NRDC: variants seen among roughly 807,000 people sequenced by gnomAD.
The protein encoded by NRDC is nardilysin.
A neutral mutation model predicts 147.1 loss-of-function variants in NRDC; 54 were observed. The observed-to-expected ratio is 0.37, with a 90% CI of 0.29 to 0.46. The LOEUF (loss-of-function observed/expected upper bound fraction) is 0.46, where lower values mean the gene tolerates loss of function less well. Among genes scored for constraint, NRDC ranks in the 20% least tolerant of loss-of-function variants. The pLI is 1.00. For missense variants in NRDC, 1,082 were observed against 1,370.6 expected (o/e 0.79, Z 3.33); for synonymous variants, 440 against 482.1 (o/e 0.91, Z 1.14).
At chr1:51,840,937 T>A (rs1681239494) in intron 1 of NRDC, among the ~76,000 whole-genome samples, 1 of 152,244 alleles carries the variant, frequency 6.6e-6, no homozygotes, top group African/African-American at 2.4e-5. Flanking sequence ...AGAACAGTCA[T>A]GTCAGCTTAA....
chr1:51,827,504 C>T (rs966068729), intron 5 of NRDC, among the ~76,000 whole-genome samples: 2 of 152,200 alleles, frequency 1.3e-5, no homozygotes, highest in African/African-American at 4.8e-5. Flanking sequence ...TATATAAGCA[C>T]ATTCTTTTCC....
Position 51,858,584 on chromosome 1 carries a change from C to T in NRDC, c.342-18070G>A, listed in dbSNP as rs144992143. ...TATCCTGCCTCAAGAGTGAAAATAA[C>T]GATATCCTGGATAAAATGTTGATAA... On this transcript the variant is annotated intron_variant, in intron 1 of 30. Transcript: ENST00000352171. Among the ~76,000 whole-genome samples, 380 of 151,766 alleles carry T rather than the reference C, an allele frequency of 2.5e-3. 4 individuals are homozygous for T. Among genetic ancestry groups the T allele is most frequent in the African/African-American group, 8.8e-3 (363 of 41,354 alleles).
chr1:51,789,608 T>A lies in NRDC; in HGVS notation c.3218A>T (p.Lys1073Met). Residue 1073 changes from lysine (K) to methionine (M), a missense_variant, in exon 30 of 31, where the codon AAG (lysine) becomes ATG (methionine). Around this residue, in one of 3 missense-constraint regions of NRDC, gnomAD observed 187 missense variants for 193.6 expected, o/e 0.97. Transcript: ENST00000352171. ...TTTACTTCCTGGCCCTCTATGGGCC[T>A]TGAACCAGTTGACCAGGTCTGATTT... ...FSKSDLVNWF[K>M]AHRGPGSKML... 1 of 1,613,922 alleles carries A rather than the reference T, an allele frequency of 6.2e-7. No individual in the cohort carries two copies. Among genetic ancestry groups the A allele is most frequent in the Non-Finnish European group, 8.5e-7 (1 of 1,179,782 alleles).
At chr1:51,802,624 A>C (rs190791447) in intron 20 of NRDC, among the ~76,000 whole-genome samples, 77 of 152,268 alleles carry the variant, frequency 5.1e-4, no homozygotes, top group African/African-American at 1.7e-3. Context: ...TCATTTTATC[A>C]GTTAATGTAA....
chr1:51,814,600 T>G lies in NRDC; in HGVS notation c.1570A>C (p.Thr524Pro). Residue 524 changes from threonine to proline, a missense_variant, in exon 13 of 31, where the codon ACT (threonine) becomes CCT (proline). Physicochemically the swap from Thr to Pro is conservative, Grantham distance 38 (BLOSUM62 -1). This residue lies in a region of NRDC where 635 missense variants were observed against 923.8 expected (regional missense o/e 0.69). Transcript: ENST00000352171. ...GYEHFYEVAY[T>P]VFQYLKMLQK... ...AGCATTTTTAAATACTGAAAGACAGTGTAAGCAACCTGAAAACAAAACATC... is the reference window on the plus strand; with the variant it reads ...AGCATTTTTAAATACTGAAAGACAGGGTAAGCAACCTGAAAACAAAACATC... 1 of 1,613,306 alleles carries G rather than the reference T, an allele frequency of 6.2e-7. No homozygotes were observed. Among genetic ancestry groups the G allele is most frequent in the Non-Finnish European group, 8.5e-7 (1 of 1,179,362 alleles).
chr1:51,821,761 G>A (rs570619894), intron 7 of NRDC, among the ~76,000 whole-genome samples: 1 of 152,222 alleles, frequency 6.6e-6, no homozygotes, highest in East Asian at 1.9e-4. Flanking sequence ...AATTTTGTGA[G>A]ACCCCTTTAT....
chr1:51,853,207 G>A lies in NRDC; in HGVS notation c.342-12693C>T, dbSNP rs192136914. Among the ~76,000 whole-genome samples, 840 of 150,820 alleles carry A rather than the reference G, an allele frequency of 5.6e-3. 17 individuals are homozygous for A. Among genetic ancestry groups the A allele is most frequent in the Non-Finnish European group, 2.0e-3 (134 of 67,778 alleles). Reference sequence around the variant, plus strand: ...CACTCCAGCCTGGGTGACAGAGGGAGACTGTCTCCAAAAAAAAATATATAT... The same window carrying A: ...CACTCCAGCCTGGGTGACAGAGGGAAACTGTCTCCAAAAAAAAATATATAT... On this transcript the variant is annotated intron_variant, in intron 1 of 30. Transcript: ENST00000352171.
At chr1:51,808,270 C>A (rs949684774) in intron 17 of NRDC, among the ~76,000 whole-genome samples, 8 of 152,174 alleles carry the variant, frequency 5.3e-5, no homozygotes, top group Non-Finnish European at 1.0e-4. Flanking sequence ...CAAAAGGAAA[C>A]CCCCTACTCC....
At chr1:51,792,861 CA>C (rs1333725357) in intron 24 of NRDC, among the ~76,000 whole-genome samples, 5 of 152,152 alleles carry the variant, frequency 3.3e-5, no homozygotes, top group African/African-American at 1.2e-4. Flanking sequence ...ATAAAAGGAC[CA>C]AAACCAGTTG....
chr1:51,878,500 G>C lies in NRDC; in HGVS notation c.116C>G (p.Ser39Cys). 1 of 1,613,886 alleles carries C rather than the reference G, an allele frequency of 6.2e-7. No homozygotes were observed. The stretch of plus-strand genomic sequence containing the variant: ...AATAGGAAAGGGTCTGGCAGCAGCA[G>C]AGTCTTCGCACCGACCCCGCGTTTC... ...GIETRGRCED[S>C]AAARPFPILA... The change falls in exon 1 of 31, where the codon TCT becomes TGT. Residue 39 changes from serine (S) to cysteine (C), a missense_variant. By Grantham distance (112) the Ser-to-Cys change is moderately radical (BLOSUM62 -1). Transcript: ENST00000352171.
At chr1:51,837,588 C>T in intron 2 of NRDC, 1 of 1,580,440 alleles carries the variant, frequency 6.3e-7, no homozygotes, top group Middle Eastern at 1.7e-4. Flanking sequence ...TATCAGTCAG[C>T]TTTGACCACA....
intron 10 of NRDC, among the ~76,000 whole-genome samples, chr1:51,816,878 G>A (rs532979271): frequency 2.0e-4 from 30 of 152,188 alleles, no homozygotes; most frequent in Non-Finnish European, 2.2e-4. Context: ...ATACTTAACC[G>A]TATTCTTCTT....
chr1:51,792,338 G>A (rs1449001336), intron 25 of NRDC, 39 bp downstream of exon 25: 1 of 1,607,772 alleles, frequency 6.2e-7, no homozygotes, highest in Admixed American at 1.7e-5. Context: ...AGTGGGTCAG[G>A]GGCTGCTGAA....
intron 1 of NRDC, among the ~76,000 whole-genome samples, chr1:51,856,731 G>T (rs1207297823): frequency 2.0e-5 from 3 of 151,990 alleles, no homozygotes; most frequent in Admixed American, 6.6e-5. Context: ...CTTCCTCCAA[G>T]GATAGGGTGG....
Position 51,804,373 on chromosome 1 carries a change from T to C in NRDC, c.2163-409A>G, listed in dbSNP as rs115322136. Among the ~76,000 whole-genome samples, 462 of 150,266 alleles carry C rather than the reference T, an allele frequency of 3.1e-3. 6 individuals are homozygous for C. The South Asian group carries it at 0.039, about 13-fold the overall frequency. On this transcript the variant is annotated intron_variant, in intron 19 of 30. Transcript: ENST00000352171. ...TGCTGCTTGTCATTTTAAGTTTGGA[T>C]TTTACAGTTACGTAGGAAAAGAAAG...
chr1:51,833,846 T>C (rs566113704), intron 4 of NRDC, among the ~76,000 whole-genome samples, 171 bp downstream of exon 4: 2 of 152,296 alleles, frequency 1.3e-5, no homozygotes, highest in Admixed American at 1.3e-4. Context: ...AACTCCTGGC[T>C]TTAAGCGAGC....
At chr1:51,831,365 T>A (rs543768589) in intron 4 of NRDC, among the ~76,000 whole-genome samples, 120 of 152,306 alleles carry the variant, frequency 7.9e-4, no homozygotes, top group Non-Finnish European at 1.4e-3. Context: ...TTGTAAAAAT[T>A]CAACTTGTCT....
chr1:51,815,311 C>T lies in NRDC; in HGVS notation c.1440-498G>A, dbSNP rs918176820. Among the ~76,000 whole-genome samples, 5 of 151,908 alleles carry T rather than the reference C, an allele frequency of 3.3e-5. No homozygotes were observed. In the South Asian group the frequency reaches 8.3e-4, roughly 25 times the overall value. ...TGCTGGAATTACAGGCGTGAGCCAC[C>T]GCGCCTGGCCTCACCATTTTTGAAC... On this transcript the variant is annotated intron_variant, in intron 11 of 30. Coordinates refer to ENST00000352171, the MANE Select transcript of NRDC (RefSeq NM_001101662.2).
chr1:51,791,335 GAAGA>G (rs1487590330), intron 27 of NRDC, among the ~76,000 whole-genome samples: 4 of 152,152 alleles, frequency 2.6e-5, no homozygotes, highest in Non-Finnish European at 4.4e-5. Flanking sequence ...TGCCTGAAGA[GAAGA>G]AACACTGGCA....
Sources: allele counts gnomAD v4.1 joint callset (sites outside exome capture counted in the v4.1 genomes callset), GRCh38; gene constraint gnomAD v4.1.1; regional missense constraint gnomAD v4.1.1; transcripts MANE v1.5; gene names NCBI Gene and HGNC (gene_info 2026-07-23, HGNC 2026-07-21).